The following LEPR variants were observed in gnomAD, a reference collection of about 807,000 sequenced individuals.
LEPR encodes leptin receptor, also known as OB receptor.
LEPR carries 56 observed loss-of-function variants against 114.7 expected under a neutral mutation model. That is an observed-to-expected ratio of 0.49 (90% CI 0.39 to 0.61). The LOEUF (loss-of-function observed/expected upper bound fraction) is 0.61, where lower values mean the gene tolerates loss of function less well. Among genes scored for constraint, LEPR ranks in the 20% least tolerant of loss-of-function variants. The pLI, the probability that LEPR is intolerant of heterozygous loss-of-function variation, is 0.00. For missense variants in LEPR, 1,202 were observed against 1,352.9 expected, an observed-to-expected ratio of 0.89 and a Z score of 1.75; for synonymous variants, 443 against 461.4, an observed-to-expected ratio of 0.96 and a Z score of 0.51.
At chr1:65,475,631 C>T (rs1647149709) in intron 2 of LEPR, among the ~76,000 whole-genome samples, 1 of 152,150 alleles carries the variant, frequency 6.6e-6, no homozygotes. Flanking sequence ...TGGCTGCTCA[C>T]AGCTTGTGTT....
In LEPR at chr1:65,502,881, G is replaced by A. The variant is rs540466333; in HGVS notation, c.-20-62665G>A. Among the ~76,000 whole-genome samples, 5 of 151,694 alleles carry A rather than the reference G, an allele frequency of 3.3e-5. No individual in the cohort carries two copies. The East Asian group carries it at 9.7e-4, about 30-fold the overall frequency. Reference sequence around the variant, plus strand: ...GAGTAACATGTCAGAGAGAATGGGGGTGGGGGAGCTATGGAGCTACTGGGG... The same window carrying A: ...GAGTAACATGTCAGAGAGAATGGGGATGGGGGAGCTATGGAGCTACTGGGG... On this transcript the variant is annotated intron_variant, in intron 2 of 19. Coordinates refer to ENST00000349533, the MANE Select transcript of LEPR (RefSeq NM_002303.6).
At chr1:65,630,435 A>T (rs996774380) in intron 19 of LEPR, 5 of 152,110 alleles carry the variant, frequency 3.3e-5, no homozygotes, top group African/African-American at 9.7e-5. Context: ...AAGAAAAAAA[A>T]ATTCTCCTCA....
intron 2 of LEPR, among the ~76,000 whole-genome samples, chr1:65,493,231 C>T (rs1488384885): frequency 6.6e-6 from 1 of 151,970 alleles, no homozygotes; most frequent in Non-Finnish European, 1.5e-5. Context: ...TCGATTCTTC[C>T]CGGACGCTGC....
intron 6 of LEPR, among the ~76,000 whole-genome samples, chr1:65,593,361 T>A (rs1219214826): frequency 6.6e-6 from 1 of 152,030 alleles, no homozygotes; most frequent in Non-Finnish European, 1.5e-5. Context: ...TGTACAAACA[T>A]GATTACAAAA....
At chr1:65,476,640 C>T (rs1156662296) in intron 2 of LEPR, among the ~76,000 whole-genome samples, 1 of 152,188 alleles carries the variant, frequency 6.6e-6, no homozygotes, top group Non-Finnish European at 1.5e-5. Flanking sequence ...AAGCCTCTAA[C>T]AATAATAACA....
intron 5 of LEPR, among the ~76,000 whole-genome samples, chr1:65,581,565 G>A (rs1240306424): frequency 6.6e-6 from 1 of 151,714 alleles, no homozygotes; most frequent in East Asian, 1.9e-4. Flanking sequence ...GATCTCTCTG[G>A]TGTTCACTCC....
At chr1:65,603,505 T>G (rs1186531749) in intron 10 of LEPR, among the ~76,000 whole-genome samples, 2 of 152,184 alleles carry the variant, frequency 1.3e-5, no homozygotes, top group African/African-American at 4.8e-5. Flanking sequence ...AATTGCTACT[T>G]CAGCTATTTA....
intron 2 of LEPR, among the ~76,000 whole-genome samples, chr1:65,495,741 T>C (rs983103596): frequency 2.0e-5 from 3 of 152,154 alleles, no homozygotes; most frequent in African/African-American, 7.2e-5. Flanking sequence ...AGAAATCCTG[T>C]CATTTGTGGC....
Position 65,601,496 on chromosome 1 carries a change from G to A in LEPR, c.1099G>A (p.Val367Ile). The A allele has an allele frequency of 6.2e-7, 1 of 1,613,746 alleles. No individual in the cohort carries two copies. ...ENKIVPSKEI[V>I]WWMNLAEKIP... ...CAAGATTGTTCCCTCAAAAGAGATT[G>A]TTTGGTGGATGAATTTAGCTGAGAA... The change falls in exon 9 of 20, where the codon GTT becomes ATT. Residue 367 changes from valine (V) to isoleucine (I), a missense_variant. By Grantham distance (29) the Val-to-Ile change is conservative. Coordinates refer to ENST00000349533, the MANE Select transcript of LEPR (RefSeq NM_002303.6).
intron 2 of LEPR, among the ~76,000 whole-genome samples, chr1:65,536,654 A>G (rs1469456731): frequency 6.6e-6 from 1 of 152,058 alleles, no homozygotes; most frequent in Non-Finnish European, 1.5e-5. Context: ...TAAATCAAAG[A>G]TTTCGGTTAA....
At chr1:65,462,048 T>C (rs569448592) in intron 2 of LEPR, among the ~76,000 whole-genome samples, 1 of 152,338 alleles carries the variant, frequency 6.6e-6, no homozygotes, top group East Asian at 1.9e-4. Flanking sequence ...ATGTGCAGGT[T>C]TGTTACGTAG....
chr1:65,443,831 A>G (rs1462771330), intron 2 of LEPR, among the ~76,000 whole-genome samples: 1 of 152,146 alleles, frequency 6.6e-6, no homozygotes, highest in African/African-American at 2.4e-5. Flanking sequence ...GTAGATTTGC[A>G]TCTGTAGAGG....
At chr1:65,571,041 AT>A (rs1654115104) in intron 4 of LEPR, among the ~76,000 whole-genome samples, 1 of 152,186 alleles carries the variant, frequency 6.6e-6, no homozygotes, top group African/African-American at 2.4e-5. Flanking sequence ...AGTCTTCTAA[AT>A]TTGCTTTGAA....
intron 2 of LEPR, among the ~76,000 whole-genome samples, chr1:65,508,195 A>C (rs1648853596): frequency 6.6e-6 from 1 of 152,172 alleles, no homozygotes; most frequent in Non-Finnish European, 1.5e-5. Context: ...AGTTTGACGC[A>C]ATCCCATCTG....
chr1:65,431,947 A>T, intron 2 of LEPR: 5 of 1,606,140 alleles, frequency 3.1e-6, no homozygotes, highest in Non-Finnish European at 4.2e-6. Flanking sequence ...AGTGCATTGA[A>T]TTTCTTAGAA....
chr1:65,582,018 A>T (rs970960777), intron 5 of LEPR, among the ~76,000 whole-genome samples: 6 of 152,158 alleles, frequency 3.9e-5, no homozygotes, highest in Admixed American at 1.3e-4. Flanking sequence ...GAGGCAATTT[A>T]GGTTTTCTTC....
At chr1:65,515,357 G>A (rs1204124382) in intron 2 of LEPR, among the ~76,000 whole-genome samples, 3 of 152,162 alleles carry the variant, frequency 2.0e-5, no homozygotes, top group South Asian at 4.1e-4. Context: ...GAGCAAGTCC[G>A]TAAAATGGTC....
intron 1 of LEPR, among the ~76,000 whole-genome samples, chr1:65,422,006 T>C (rs1412904903): frequency 6.6e-6 from 1 of 152,196 alleles, no homozygotes; most frequent in Non-Finnish European, 1.5e-5. Context: ...GTGACAGAGC[T>C]GGAAATAATT....
At chr1:65,471,321 T>C (rs1647079881) in intron 2 of LEPR, among the ~76,000 whole-genome samples, 1 of 152,084 alleles carries the variant, frequency 6.6e-6, no homozygotes, top group South Asian at 2.1e-4. Flanking sequence ...TGATAAGGGG[T>C]TGTGGGGTCA....
Sources: gnomAD v4.1 joint callset for allele counts (sites outside exome capture counted in the v4.1 genomes callset) on GRCh38, gnomAD v4.1.1 for gene constraint, MANE v1.5 for transcripts, NCBI Gene and HGNC (gene_info 2026-07-23, HGNC 2026-07-21) for gene names.